The following CRACDL variants were observed in gnomAD, a reference collection of about 807,000 sequenced individuals.
CRACDL encodes the protein CRACD-like protein.
In CRACDL, 26 loss-of-function variants were observed where a neutral mutation model predicts 70.6. The observed-to-expected ratio is 0.37, with a 90% CI of 0.27 to 0.51. The LOEUF (loss-of-function observed/expected upper bound fraction) is 0.51. CRACDL is among the 20% of genes least tolerant of loss of function. The pLI is 0.94. For missense variants in CRACDL, 1,283 were observed against 1,376.9 expected, an observed-to-expected ratio of 0.93 and a Z score of 1.08; for synonymous variants, 618 against 615.2, an observed-to-expected ratio of 1.00 and a Z score of -0.07.
chr2:98,916,097 T>C (rs182722205), intron 1 of CRACDL, among the ~76,000 whole-genome samples: 33 of 152,340 alleles, frequency 2.2e-4, no homozygotes, highest in African/African-American at 7.9e-4. Flanking sequence ...AAGGGGAGAC[T>C]TTCCTAATTA....
rs866676355 is a variant in CRACDL at position 98,794,683 on chromosome 2, G to A, written c.2750-12C>T. ...CACTGCAGACTGAGCTGCTTGGAAG[G>A]GAGACAAAACCAACAGAAACATGAG... On this transcript the variant is annotated splice_polypyrimidine_tract_variant and intron_variant, in intron 9 of 9. Coordinates refer to ENST00000397899, the MANE Select transcript of CRACDL (RefSeq NM_207362.3). 6 of 1,600,340 alleles carry A rather than the reference G, an allele frequency of 3.7e-6. No homozygotes were observed. Among genetic ancestry groups the A allele is most frequent in the Admixed American group, 1.7e-5 (1 of 59,200 alleles).
intron 2 of CRACDL, among the ~76,000 whole-genome samples, chr2:98,844,647 G>A (rs554105148): frequency 6.6e-6 from 1 of 152,296 alleles, no homozygotes; most frequent in East Asian, 1.9e-4. Context: ...TGGAGACTTC[G>A]ACATATGGAT....
intron 7 of CRACDL, among the ~76,000 whole-genome samples, chr2:98,801,897 G>C (rs750344068): frequency 1.3e-5 from 2 of 152,224 alleles, no homozygotes; most frequent in Admixed American, 1.3e-4. Flanking sequence ...CCTGCTGGAG[G>C]AGGGGTGGAG....
intron 1 of CRACDL, among the ~76,000 whole-genome samples, chr2:98,932,465 G>A (rs1326849361): frequency 6.6e-6 from 1 of 152,200 alleles, no homozygotes; most frequent in Non-Finnish European, 1.5e-5. Context: ...CAGCAATTAT[G>A]ACTCGGACCT....
intron 5 of CRACDL, among the ~76,000 whole-genome samples, chr2:98,831,971 TC>T (rs1705562220): frequency 6.6e-6 from 1 of 151,794 alleles, no homozygotes; most frequent in Admixed American, 6.6e-5. Context: ...GCTCACTACT[TC>T]CCCCTCCCAC....
chr2:98,892,450 G>T (rs1708003455), intron 1 of CRACDL, among the ~76,000 whole-genome samples: 1 of 151,980 alleles, frequency 6.6e-6, no homozygotes, highest in Non-Finnish European at 1.5e-5. Context: ...CAGCACTTTA[G>T]GAGACTGAGG....
Position 98,822,523 on chromosome 2 carries a change from G to C in CRACDL, c.1750C>G (p.Arg584Gly), listed in dbSNP as rs751889476. 2.7e-6 allele frequency: 4 copies of C among 1,458,612 alleles called. No homozygotes were observed. The South Asian group carries it at 3.9e-5, about 14-fold the overall frequency. The allele number at this position is 1,458,612 out of a possible 1,614,324, so 90.4% of individuals were successfully genotyped here. A position where few individuals can be genotyped will look rare whatever the true frequency, so the allele number is the denominator to read the frequency against. Residue 584 changes from arginine to glycine, a missense_variant, in exon 7 of 10, where the codon CGT (arginine) becomes GGT (glycine). By Grantham distance (125) the Arg-to-Gly change is moderately radical (BLOSUM62 -2). Around this residue, in one of 2 missense-constraint regions of CRACDL, gnomAD observed 921 missense variants for 881.9 expected, o/e 1.04. Transcript: ENST00000397899. This position sits in a 1 kb window ranked among gnomAD's most constrained non-coding sequence, Gnocchi z 4.9. ...FSVSSCRARP[R>G]PGVSRPLERA... ...TCCAGCGGGCGGGAGACGCCCGGAC[G>C]AGGCCGCGCTCGGCACGAGGACACC...
intron 1 of CRACDL, among the ~76,000 whole-genome samples, chr2:98,867,287 T>C (rs1707184652): frequency 1.3e-5 from 2 of 152,168 alleles, no homozygotes; most frequent in Admixed American, 1.3e-4. Context: ...TCCCTATAAA[T>C]GGACAAATTA....
At chr2:98,844,214 A>G (rs1706152718) in intron 2 of CRACDL, among the ~76,000 whole-genome samples, 1 of 152,218 alleles carries the variant, frequency 6.6e-6, no homozygotes, top group Non-Finnish European at 1.5e-5. Context: ...TGTCATCTAT[A>G]AATAGAGATA....
chr2:98,925,688 C>G (rs1329545437), intron 1 of CRACDL, among the ~76,000 whole-genome samples: 1 of 152,066 alleles, frequency 6.6e-6, no homozygotes. Context: ...GCAATCCTGC[C>G]AAAGTGACTT....
intron 2 of CRACDL, among the ~76,000 whole-genome samples, 188 bp downstream of exon 2, chr2:98,846,542 CG>C (rs1433950188): frequency 6.6e-6 from 1 of 152,164 alleles, no homozygotes; most frequent in Non-Finnish European, 1.5e-5. Context: ...AAATCTGCCC[CG>C]AGCAGCCTTA....
rs1181969802 is a variant in CRACDL, at chr2:98,795,077, A to ATTTTT, written c.2750-411_2750-407dup. 8.7e-4 allele frequency among the ~76,000 whole-genome samples: 51 copies of ATTTTT among 58,476 alleles called. 5 individuals carry two copies. In the East Asian group the frequency reaches 0.011, roughly 13 times the overall value. 38.4% of individuals were successfully genotyped at this position (58,476 alleles called of 152,430 possible). A position where few individuals can be genotyped will look rare whatever the true frequency, so the allele number is the denominator to read the frequency against. The stretch of plus-strand genomic sequence containing the variant: ...TATATATATATATATATATATATAT[A>ATTTTT]TTTTTTTTTTTTTTTGAGACAGAAG... On this transcript the variant is annotated intron_variant, in intron 9 of 9. Coordinates refer to ENST00000397899, the MANE Select transcript of CRACDL (RefSeq NM_207362.3).
At chr2:98,841,151 TC>T (rs1240562818) in intron 2 of CRACDL, among the ~76,000 whole-genome samples, 1 of 152,190 alleles carries the variant, frequency 6.6e-6, no homozygotes, top group Non-Finnish European at 1.5e-5. Flanking sequence ...GGCTTCTGTA[TC>T]CTATTACTAT....
chr2:98,834,828 G>C (rs1705700604), intron 3 of CRACDL, among the ~76,000 whole-genome samples: 2 of 152,084 alleles, frequency 1.3e-5, no homozygotes, highest in Non-Finnish European at 2.9e-5. Context: ...AATTTCAAGT[G>C]ACTTTGACTC....
At chr2:98,848,872 A>C (rs1426834780) in intron 1 of CRACDL, among the ~76,000 whole-genome samples, 1 of 152,216 alleles carries the variant, frequency 6.6e-6, no homozygotes, top group Admixed American at 6.5e-5. Context: ...TACAGGTGTA[A>C]GCCACTGCAC....
At chr2:98,841,105 C>T (rs1706008111) in intron 2 of CRACDL, among the ~76,000 whole-genome samples, 1 of 152,186 alleles carries the variant, frequency 6.6e-6, no homozygotes, top group Non-Finnish European at 1.5e-5. Context: ...TGTGTAGCTA[C>T]ACCATCTTCC....
At chr2:98,833,110 T>C (rs1705616602) in intron 3 of CRACDL, 113 bp from the exon 4 acceptor site, 1 of 953,056 alleles carries the variant, frequency 1.0e-6, no homozygotes, top group Non-Finnish European at 1.6e-6. Flanking sequence ...CAACACTCCC[T>C]CTGCTGCATT....
At chr2:98,886,147 G>T (rs1400910645) in intron 1 of CRACDL, among the ~76,000 whole-genome samples, 1 of 152,164 alleles carries the variant, frequency 6.6e-6, no homozygotes, top group Non-Finnish European at 1.5e-5. Context: ...CTGCTGGAAG[G>T]GGACAACTGG....
At chr2:98,807,250 T>C (rs1274338465) in intron 7 of CRACDL, among the ~76,000 whole-genome samples, 2 of 152,202 alleles carry the variant, frequency 1.3e-5, no homozygotes, top group Non-Finnish European at 2.9e-5. Context: ...ATACCATCTC[T>C]TACTAAGAGG....
Sources: allele counts gnomAD v4.1 joint callset (sites outside exome capture counted in the v4.1 genomes callset), GRCh38; gene constraint gnomAD v4.1.1; regional missense constraint gnomAD v4.1.1; non-coding constraint Gnocchi (gnomAD v3.1); transcripts MANE v1.5; gene names NCBI Gene and HGNC (gene_info 2026-07-23, HGNC 2026-07-21).